The following BAZ2B variants were observed in gnomAD, a reference collection of about 807,000 sequenced individuals.
The protein encoded by BAZ2B is bromodomain adjacent to zinc finger domain 2B, also known as bromodomain adjacent to zinc finger domain protein 2B.
Under a neutral mutation model 246.0 loss-of-function variants are expected in BAZ2B, and 91 were observed. That is an observed-to-expected ratio of 0.37 (90% CI 0.31 to 0.44). The LOEUF (loss-of-function observed/expected upper bound fraction) is 0.44. BAZ2B is among the 20% of genes least tolerant of loss of function. The pLI is 1.00. For synonymous variants in BAZ2B, 855 were observed against 860.0 expected (o/e 0.99, Z 0.10); for missense variants, 2,332 against 2,533.7 (o/e 0.92, Z 1.71).
In BAZ2B at chr2:159,431,295, T is replaced by C. The variant is rs956610919; in HGVS notation, c.1901-139A>G. Reference sequence around the variant, plus strand: ...GAGCAATTTTCCTACAGAGTAAATGTTATAAGCTATTTGAGAACAGTGTAT... The same window carrying C: ...GAGCAATTTTCCTACAGAGTAAATGCTATAAGCTATTTGAGAACAGTGTAT... On this transcript the variant is annotated intron_variant, in intron 9 of 36. Coordinates refer to ENST00000392783, the MANE Select transcript of BAZ2B (RefSeq NM_013450.4). 5 of 1,265,060 alleles carry C rather than the reference T, an allele frequency of 4.0e-6. No individual in the cohort carries two copies. In the African/African-American group the frequency reaches 7.6e-5, roughly 19 times the overall value. The allele number at this position is 1,265,060 out of a possible 1,614,324, so 78.4% of individuals were successfully genotyped here.
At chr2:159,661,479 T>C in the BAZ2B span, among the ~76,000 whole-genome samples, 5 of 152,188 alleles carry the variant, frequency 3.3e-5, no homozygotes, top group South Asian at 2.1e-4. Flanking sequence ...GAATGAATCA[T>C]GTGGTTGGGT....
chr2:159,569,617 C>T (rs938944851), intron 1 of BAZ2B, among the ~76,000 whole-genome samples: 6 of 151,946 alleles, frequency 3.9e-5, no homozygotes, highest in Admixed American at 1.3e-4. Context: ...TTTTTAGATT[C>T]AAAACTCAAA....
chr2:159,382,657 C>A lies in BAZ2B; in HGVS notation c.3907G>T (p.Asp1303Tyr), dbSNP rs967630134. The change falls in exon 25 of 37, where the codon GAT becomes TAT. Residue 1303 changes from aspartate to tyrosine, a missense_variant. Physicochemically the swap from Asp to Tyr is radical, Grantham distance 160. Transcript: ENST00000392783. ...KGGDSDYDDD[D>Y]DDDSDDQGDE... ...CCTTGGTCATCACTGTCATCGTCAT[C>A]ATCATCGTCATAATCACTGTCTCCT... The A allele has an allele frequency of 6.3e-7, 1 of 1,599,716 alleles. No homozygotes were observed. Among genetic ancestry groups the A allele is most frequent in the African/African-American group, 1.3e-5 (1 of 74,608 alleles).
chr2:159,623,610 T>C, the BAZ2B span, among the ~76,000 whole-genome samples: 100 of 152,316 alleles, frequency 6.6e-4, no homozygotes, highest in African/African-American at 2.3e-3. Flanking sequence ...TTTGTTTCTT[T>C]CTTTTTTTCT....
chr2:159,619,951 G>T (rs967759400), upstream of BAZ2B, among the ~76,000 whole-genome samples: 3 of 152,174 alleles, frequency 2.0e-5, no homozygotes, highest in Non-Finnish European at 4.4e-5. Context: ...AATTGTGATA[G>T]AATTTAATGA....
the BAZ2B span, chr2:159,694,494 T>C: frequency 6.6e-6 from 1 of 152,184 alleles, no homozygotes; most frequent in African/African-American, 2.4e-5. Context: ...CTCCTACCTC[T>C]TGCTTTTCCC....
At chr2:159,600,298 T>C (rs1691838251) in intron 1 of BAZ2B, among the ~76,000 whole-genome samples, 1 of 152,170 alleles carries the variant, frequency 6.6e-6, no homozygotes, top group Non-Finnish European at 1.5e-5. Flanking sequence ...ATGATCACAT[T>C]GCTACAAAAT....
the BAZ2B span, among the ~76,000 whole-genome samples, chr2:159,696,927 C>T: frequency 6.6e-6 from 1 of 152,196 alleles, no homozygotes; most frequent in South Asian, 2.1e-4. Context: ...GCTGCGACTA[C>T]AGGTGCGTGC....
rs2150194067 is a variant in BAZ2B, at chr2:159,433,212, G to A, written c.1445C>T (p.Pro482Leu). The change falls in exon 9 of 37, where the codon CCA (proline) becomes CTA (leucine). Residue 482 changes from proline (P) to leucine (L), a missense_variant. Around this residue, in one of 9 missense-constraint regions of BAZ2B, gnomAD observed 651 missense variants for 650.9 expected, o/e 1.00. Transcript: ENST00000392783. ...KQTLENNHPN[P>L]FLTNALLGNH... The stretch of plus-strand genomic sequence containing the variant: ...ACCTAAAAGTGCATTTGTCAAGAAT[G>A]GATTTGGGTGGTTGTTTTCTAATGT... 6.2e-7 allele frequency: 1 copy of A among 1,614,180 alleles called. No homozygotes were observed. Among genetic ancestry groups the A allele is most frequent in the East Asian group, 2.2e-5 (1 of 44,884 alleles).
chr2:159,510,156 G>C (rs981584588), intron 2 of BAZ2B, among the ~76,000 whole-genome samples: 1 of 151,956 alleles, frequency 6.6e-6, no homozygotes, highest in East Asian at 1.9e-4. Flanking sequence ...GGGATGGTGA[G>C]GGAAATGGGA....
Position 159,337,089 on chromosome 2 carries a change from T to C in BAZ2B, c.5661-12A>G. The C allele has an allele frequency of 6.9e-6, 11 of 1,603,340 alleles. No homozygotes were observed. Among genetic ancestry groups the C allele is most frequent in the Non-Finnish European group, 9.4e-6 (11 of 1,176,284 alleles). ...TATCCTCTTCAATTCTGCATTGAAATATAGAAAAATTAAGTAGGTCATGTC... is the reference window on the plus strand; with the variant it reads ...TATCCTCTTCAATTCTGCATTGAAACATAGAAAAATTAAGTAGGTCATGTC... On this transcript the variant is annotated splice_polypyrimidine_tract_variant and intron_variant, in intron 32 of 36. Transcript: ENST00000392783.
chr2:159,460,945 A>G lies in BAZ2B; in HGVS notation c.146-7144T>C, dbSNP rs1356756492. 3.3e-5 allele frequency: 5 copies of G among 152,474 alleles called. No individual in the cohort carries two copies. In the East Asian group the frequency reaches 9.6e-4, roughly 29 times the overall value. 9.4% of individuals were successfully genotyped at this position (152,474 alleles called of 1,614,324 possible). ...TTTATATATAATTTTAGAACAAAACAGGTATATTTCTATTAGACTATCTCA... is the reference window on the plus strand; with the variant it reads ...TTTATATATAATTTTAGAACAAAACGGGTATATTTCTATTAGACTATCTCA... On this transcript the variant is annotated intron_variant, in intron 3 of 36. Coordinates refer to ENST00000392783, the MANE Select transcript of BAZ2B (RefSeq NM_013450.4).
rs371146036 is a variant in BAZ2B at position 159,338,929 on chromosome 2, G to C, written c.5455-1157C>G. ...AGATTCTGCATATATGTATATGTCTGATCTCCCTATTATATGACAAGCTTT... is the reference window on the plus strand; with the variant it reads ...AGATTCTGCATATATGTATATGTCTCATCTCCCTATTATATGACAAGCTTT... On this transcript the variant is annotated intron_variant, in intron 31 of 36. Coordinates refer to ENST00000392783, the MANE Select transcript of BAZ2B (RefSeq NM_013450.4). 2.3e-4 allele frequency among the ~76,000 whole-genome samples: 35 copies of C among 152,048 alleles called. No homozygotes were observed. The East Asian group carries it at 3.9e-3, about 17-fold the overall frequency.
At chr2:159,548,366 A>C (rs2087669122) in intron 2 of BAZ2B, among the ~76,000 whole-genome samples, 1 of 152,206 alleles carries the variant, frequency 6.6e-6, no homozygotes, top group South Asian at 2.1e-4. Flanking sequence ...GTGAAAAATA[A>C]AGGTCAGATA....
intron 14 of BAZ2B, among the ~76,000 whole-genome samples, chr2:159,408,369 C>T (rs2066286107): frequency 6.6e-6 from 1 of 152,078 alleles, no homozygotes; most frequent in South Asian, 2.1e-4. Context: ...TGTGGTCTTG[C>T]TTTATTTCCC....
chr2:159,707,437 TC>T, the BAZ2B span, among the ~76,000 whole-genome samples: 1 of 152,100 alleles, frequency 6.6e-6, no homozygotes, highest in African/African-American at 2.4e-5. Flanking sequence ...GTGCCTGTAA[TC>T]CCAGCACTCT....
intron 2 of BAZ2B, among the ~76,000 whole-genome samples, chr2:159,534,630 CT>C (rs111666633): frequency 1.5e-3 from 210 of 144,444 alleles, no homozygotes; most frequent in East Asian, 4.0e-3. Context: ...ATAATTTCTT[CT>C]TTTTTTTTTT....
At chr2:159,548,197 C>G (rs2087647378) in intron 2 of BAZ2B, among the ~76,000 whole-genome samples, 1 of 152,136 alleles carries the variant, frequency 6.6e-6, no homozygotes, top group Non-Finnish European at 1.5e-5. Flanking sequence ...TATAACGTTA[C>G]TGTACTACAT....
At chr2:159,323,632 G>C (rs1319453885) in intron 36 of BAZ2B, among the ~76,000 whole-genome samples, 1 of 151,854 alleles carries the variant, frequency 6.6e-6, no homozygotes, top group Non-Finnish European at 1.5e-5. Context: ...GTGAAACCCT[G>C]TTTATACTAA....
Sources: gnomAD v4.1 joint callset for allele counts (sites outside exome capture counted in the v4.1 genomes callset) on GRCh38, gnomAD v4.1.1 for gene constraint, gnomAD v4.1.1 regional missense constraint, MANE v1.5 for transcripts, NCBI Gene and HGNC (gene_info 2026-07-23, HGNC 2026-07-21) for gene names.